The following CDIN1 variants were observed in gnomAD, a reference collection of about 807,000 sequenced individuals.
CDIN1 encodes the protein CDAN1 interacting nuclease 1, also known as CDAN1-interacting nuclease 1.
Under a neutral mutation model 45.3 loss-of-function variants are expected in CDIN1, and 33 were observed. The observed-to-expected ratio is 0.73, with a 90% CI of 0.55 to 0.97. CDIN1 has a LOEUF of 0.97. Among genes scored for constraint, CDIN1 ranks in the 50% least tolerant of loss-of-function variants. The probability of loss-of-function intolerance (pLI) is 0.00; values close to 1 mark genes in which losing one functional copy is unlikely to be tolerated. For missense variants in CDIN1, 303 were observed against 339.4 expected (o/e 0.89, Z 0.84); for synonymous variants, 118 against 124.4 (o/e 0.95, Z 0.34).
intron 8 of CDIN1, among the ~76,000 whole-genome samples, chr15:36,700,330 G>GATCCAGTGAGA (rs1316710012): frequency 2.6e-5 from 4 of 152,140 alleles, no homozygotes; most frequent in Non-Finnish European, 5.9e-5. Context: ...TTTTCTCTCT[G>GATCCAGTGAGA]ATCCAGTGAG....
At chr15:36,650,892 A>G (rs1457799150) in intron 3 of CDIN1, among the ~76,000 whole-genome samples, 1 of 152,162 alleles carries the variant, frequency 6.6e-6, no homozygotes, top group South Asian at 2.1e-4. Flanking sequence ...GCAAAACCCT[A>G]TCTCTACTAA....
At chr15:36,745,214 A>G (rs897327977) in intron 10 of CDIN1, among the ~76,000 whole-genome samples, 1 of 151,602 alleles carries the variant, frequency 6.6e-6, no homozygotes, top group African/African-American at 2.4e-5. Context: ...AAATATTTAT[A>G]TTAAGTTAAA....
intron 7 of CDIN1, among the ~76,000 whole-genome samples, chr15:36,692,643 T>C (rs1029998892): frequency 6.6e-6 from 1 of 152,238 alleles, no homozygotes; most frequent in Non-Finnish European, 1.5e-5. Flanking sequence ...CAACAGATTC[T>C]TATTGCTTAA....
intron 1 of CDIN1, among the ~76,000 whole-genome samples, chr15:36,620,356 A>C (rs1336671199): frequency 6.6e-6 from 1 of 152,172 alleles, no homozygotes; most frequent in East Asian, 1.9e-4. Context: ...GTCTCAAAAA[A>C]AATAAAAATA....
intron 10 of CDIN1, among the ~76,000 whole-genome samples, chr15:36,769,931 G>A (rs776378183): frequency 6.6e-6 from 1 of 152,232 alleles, no homozygotes; most frequent in East Asian, 1.9e-4. Context: ...AGCTCTTTTT[G>A]CTCTATTGGG....
intron 10 of CDIN1, among the ~76,000 whole-genome samples, chr15:36,764,779 C>A (rs2053867577): frequency 6.6e-6 from 1 of 152,170 alleles, no homozygotes; most frequent in Non-Finnish European, 1.5e-5. Flanking sequence ...CCATGGGGCT[C>A]ATTTCTGGCC....
intron 10 of CDIN1, among the ~76,000 whole-genome samples, chr15:36,762,473 TTTTGTTTTG>T (rs1377394939): frequency 1.3e-5 from 2 of 148,672 alleles, no homozygotes; most frequent in African/African-American, 5.0e-5. Context: ...CCATATGTTG[TTTTGTTTTG>T]TTTGTTTGTT....
chr15:36,579,986 A>G (rs1356919588), intron 1 of CDIN1, 25 bp downstream of exon 1: 1 of 1,597,346 alleles, frequency 6.3e-7, no homozygotes, highest in Non-Finnish European at 8.6e-7. Context: ...CTCCCCTCTC[A>G]CAGCCCTTTG....
intron 1 of CDIN1, among the ~76,000 whole-genome samples, chr15:36,635,658 A>G (rs1457029552): frequency 1.3e-5 from 2 of 152,252 alleles, no homozygotes; most frequent in Non-Finnish European, 2.9e-5. Context: ...ACTAGACTCA[A>G]AGGAGATCCA....
intron 9 of CDIN1, among the ~76,000 whole-genome samples, 194 bp downstream of exon 9, chr15:36,709,482 A>G (rs1038349934): frequency 2.6e-5 from 4 of 152,164 alleles, no homozygotes; most frequent in Non-Finnish European, 5.9e-5. Flanking sequence ...AGAAATAAAC[A>G]TGTTTTCTAA....
intron 10 of CDIN1, among the ~76,000 whole-genome samples, chr15:36,798,173 A>C (rs1198268460): frequency 6.6e-6 from 1 of 152,166 alleles, no homozygotes; most frequent in East Asian, 1.9e-4. Flanking sequence ...CCTATGTGCC[A>C]CTGAAATACA....
chr15:36,677,618 A>T (rs746312977), intron 5 of CDIN1, among the ~76,000 whole-genome samples: 4 of 152,174 alleles, frequency 2.6e-5, no homozygotes, highest in Admixed American at 6.6e-5. Flanking sequence ...ATCTCTTGTC[A>T]TCAGTTGACA....
intron 5 of CDIN1, chr15:36,691,327 G>A (rs2042244111): frequency 3.5e-6 from 1 of 284,146 alleles, no homozygotes; most frequent in Non-Finnish European, 6.7e-6. Flanking sequence ...ATATACATAT[G>A]CTTGGTTATA....
At chr15:36,632,830 T>C (rs1412374968) in intron 1 of CDIN1, among the ~76,000 whole-genome samples, 1 of 152,224 alleles carries the variant, frequency 6.6e-6, no homozygotes, top group Non-Finnish European at 1.5e-5. Flanking sequence ...ATTTATATAA[T>C]GTGTTGAAGT....
At chr15:36,634,229 GA>G (rs2039802264) in intron 1 of CDIN1, among the ~76,000 whole-genome samples, 1 of 152,060 alleles carries the variant, frequency 6.6e-6, no homozygotes, top group African/African-American at 2.4e-5. Flanking sequence ...AGGAGATCGA[GA>G]CCATCCTGGC....
intron 10 of CDIN1, among the ~76,000 whole-genome samples, chr15:36,783,257 G>T (rs901391931): frequency 2.0e-5 from 3 of 152,098 alleles, no homozygotes; most frequent in African/African-American, 7.2e-5. Context: ...TTACAAAGAT[G>T]ATTAAGGCGG....
At chr15:36,741,110 G>T (rs1450462745) in intron 10 of CDIN1, among the ~76,000 whole-genome samples, 1 of 152,014 alleles carries the variant, frequency 6.6e-6, no homozygotes, top group East Asian at 1.9e-4. Context: ...CTTTTTTAAA[G>T]AATTTACTGT....
chr15:36,807,738 A>G (rs947623600), intron 10 of CDIN1, among the ~76,000 whole-genome samples: 4 of 152,194 alleles, frequency 2.6e-5, no homozygotes, highest in African/African-American at 7.2e-5. Context: ...CTGTGTCCAC[A>G]CTTAAAGAAG....
At chr15:36,664,126 G>A (rs541755021) in intron 5 of CDIN1, among the ~76,000 whole-genome samples, 5 of 152,288 alleles carry the variant, frequency 3.3e-5, no homozygotes, top group East Asian at 3.9e-4. Flanking sequence ...TAAAAGTTGG[G>A]TATCTCATGC....
Sources: allele counts gnomAD v4.1 joint callset (sites outside exome capture counted in the v4.1 genomes callset), GRCh38; gene constraint gnomAD v4.1.1; transcripts MANE v1.5; gene names NCBI Gene and HGNC (gene_info 2026-07-23, HGNC 2026-07-21).